Variants in FHIT observed in about 807,000 individuals in gnomAD.
The protein encoded by FHIT is fragile histidine triad diadenosine triphosphatase.
FHIT carries 19 observed loss-of-function variants against 17.9 expected under a neutral mutation model. The observed-to-expected ratio is 1.06, with a 90% CI of 0.74 to 1.56. The LOEUF (loss-of-function observed/expected upper bound fraction) is 1.56, where lower values mean the gene tolerates loss of function less well. Among genes scored for constraint, FHIT ranks in the 40% most tolerant of loss-of-function variants. The pLI, the probability that FHIT is intolerant of heterozygous loss-of-function variation, is 0.00. For synonymous variants in FHIT, 81 were observed against 69.7 expected (o/e 1.16, Z -0.81); for missense variants, 248 against 189.2 (o/e 1.31, Z -1.82).
intron 5 of FHIT, among the ~76,000 whole-genome samples, chr3:60,077,740 G>GAGA (rs749903107): frequency 0.22 from 10,314 of 46,650 alleles, 480 homozygotes; most frequent in Middle Eastern, 0.3. Context: ...ATATATAGAG[G>GAGA]GGGGGGGGAG....
chr3:60,018,193 A>G (rs1700417806), intron 5 of FHIT, among the ~76,000 whole-genome samples: 2 of 152,170 alleles, frequency 1.3e-5, no homozygotes, highest in Admixed American at 1.3e-4. Flanking sequence ...GAAAGGAGGC[A>G]AGAGAGACAG....
intron 5 of FHIT, among the ~76,000 whole-genome samples, chr3:60,450,510 T>C (rs1375389026): frequency 6.6e-6 from 1 of 152,086 alleles, no homozygotes; most frequent in Non-Finnish European, 1.5e-5. Flanking sequence ...AAAAAGTCCA[T>C]TAAGCCACTC....
chr3:60,135,900 C>G (rs1281720140), intron 5 of FHIT, among the ~76,000 whole-genome samples: 1 of 152,126 alleles, frequency 6.6e-6, no homozygotes, highest in African/African-American at 2.4e-5. Context: ...AAATCTAAAT[C>G]CACCTAAACT....
At chr3:60,860,260 TA>T (rs1703621752) in intron 3 of FHIT, among the ~76,000 whole-genome samples, 1 of 143,692 alleles carries the variant, frequency 7.0e-6, no homozygotes, top group African/African-American at 2.6e-5. Context: ...AGATACATCA[TA>T]TGTATACATG....
At chr3:60,738,089 A>G (rs781836184) in intron 4 of FHIT, among the ~76,000 whole-genome samples, 3 of 152,292 alleles carry the variant, frequency 2.0e-5, no homozygotes, top group Non-Finnish European at 2.9e-5. Flanking sequence ...GACCATAATC[A>G]GAAGGCAGCA....
chr3:59,747,403 A>G lies in FHIT; in HGVS notation c.*2182T>C, dbSNP rs1700667858. ...CAGGGGAAATGTCCTTTATAAAACC[A>G]TCACTATCAATCATGAGAACAGCAT... On this transcript the variant is annotated 3_prime_UTR_variant, in exon 10 of 10. Transcript: ENST00000492590. 6.6e-6 allele frequency among the ~76,000 whole-genome samples: 1 copy of G among 152,100 alleles called. No individual in the cohort carries two copies. The highest frequency in any genetic ancestry group is 1.5e-5 in the Non-Finnish European group (1 of 68,000).
intron 5 of FHIT, among the ~76,000 whole-genome samples, chr3:60,220,843 G>C (rs1271937827): frequency 6.6e-6 from 1 of 152,178 alleles, no homozygotes; most frequent in African/African-American, 2.4e-5. Flanking sequence ...TATTAGAAAA[G>C]AAAAGCCACA....
At chr3:59,922,517 T>C (rs1272611385) in intron 7 of FHIT, 103 bp from the exon 8 acceptor site, 1 of 932,242 alleles carries the variant, frequency 1.1e-6, no homozygotes, top group Non-Finnish European at 1.6e-6. Flanking sequence ...CGATGGTTCC[T>C]GCTGGGTTAT....
chr3:59,762,825 C>T (rs1701592581), intron 8 of FHIT, among the ~76,000 whole-genome samples: 2 of 152,286 alleles, frequency 1.3e-5, no homozygotes, highest in South Asian at 4.1e-4. Context: ...CTGAACCCTT[C>T]TGGTTTTTCA....
At chr3:60,608,230 C>A (rs2038671156) in intron 4 of FHIT, among the ~76,000 whole-genome samples, 1 of 152,262 alleles carries the variant, frequency 6.6e-6, no homozygotes, top group East Asian at 1.9e-4. Context: ...TTTCTAGTGG[C>A]CACCAGCTCT....
At chr3:60,921,435 TAAG>T (rs1707273839) in intron 3 of FHIT, among the ~76,000 whole-genome samples, 1 of 152,176 alleles carries the variant, frequency 6.6e-6, no homozygotes, top group African/African-American at 2.4e-5. Flanking sequence ...TGCCTTCACT[TAAG>T]GAGGGTTCGA....
intron 7 of FHIT, among the ~76,000 whole-genome samples, chr3:59,954,206 A>T (rs76041214): frequency 0.022 from 3,081 of 141,036 alleles, 118 homozygotes; most frequent in African/African-American, 0.078. Context: ...CATTTTTCAG[A>T]AGTTATTTTG....
At chr3:60,075,017 G>C (rs1478485650) in intron 5 of FHIT, among the ~76,000 whole-genome samples, 1 of 152,018 alleles carries the variant, frequency 6.6e-6, no homozygotes, top group East Asian at 1.9e-4. Context: ...CTGGATTCAA[G>C]GATTAGGCTA....
chr3:60,000,540 G>T (rs7649040), intron 7 of FHIT, among the ~76,000 whole-genome samples: 17,960 of 152,068 alleles, frequency 0.12, 1,460 homozygotes, highest in East Asian at 0.38. Context: ...GTCTGCACCT[G>T]GAGCTAAAGA....
At chr3:61,212,782 T>A (rs945826580) in intron 1 of FHIT, among the ~76,000 whole-genome samples, 1 of 152,186 alleles carries the variant, frequency 6.6e-6, no homozygotes, top group Non-Finnish European at 1.5e-5. Context: ...AAGGGAAGCC[T>A]ATCAGACTAA....
intron 3 of FHIT, among the ~76,000 whole-genome samples, chr3:60,974,571 T>A (rs1480415591): frequency 6.6e-6 from 1 of 152,196 alleles, no homozygotes; most frequent in Admixed American, 6.5e-5. Flanking sequence ...TGCCCTTTGT[T>A]GCCTAAGCCA....
chr3:59,954,619 A>T (rs1435652327), intron 7 of FHIT, among the ~76,000 whole-genome samples: 1 of 152,186 alleles, frequency 6.6e-6, no homozygotes, highest in Non-Finnish European at 1.5e-5. Flanking sequence ...AAATGCCTAG[A>T]AAGGAATGGC....
intron 5 of FHIT, among the ~76,000 whole-genome samples, chr3:60,222,322 A>G (rs1436951922): frequency 6.6e-6 from 1 of 151,960 alleles, no homozygotes; most frequent in Non-Finnish European, 1.5e-5. Flanking sequence ...ATATTCTTCT[A>G]CCCTCCCCTC....
At chr3:60,358,973 G>C (rs1699785953) in intron 5 of FHIT, among the ~76,000 whole-genome samples, 1 of 152,172 alleles carries the variant, frequency 6.6e-6, no homozygotes, top group South Asian at 2.1e-4. Context: ...GAGGTGTTGA[G>C]GGCTTGTAGT....
Sources: allele counts gnomAD v4.1 joint callset (sites outside exome capture counted in the v4.1 genomes callset), GRCh38; gene constraint gnomAD v4.1.1; transcripts MANE v1.5; gene names NCBI Gene and HGNC (gene_info 2026-07-23, HGNC 2026-07-21).